The following CPSF1 variants were observed in gnomAD, a reference collection of about 807,000 sequenced individuals.
CPSF1 encodes cleavage and polyadenylation specificity factor subunit 1.
A neutral mutation model predicts 175.8 loss-of-function variants in CPSF1; 106 were observed. The ratio of observed to expected loss-of-function variants is 0.60; its 90% CI spans 0.52 to 0.71. CPSF1 has a LOEUF of 0.71. CPSF1 is among the 30% of genes least tolerant of loss of function. The pLI is 0.00. For synonymous variants in CPSF1, 1,024 were observed against 858.3 expected (o/e 1.19, Z -3.37); for missense variants, 1,734 against 2,022.9 (o/e 0.86, Z 2.74).
chr8:144,402,171 C>T (rs1821247392), intron 2 of CPSF1, among the ~76,000 whole-genome samples: 1 of 152,218 alleles, frequency 6.6e-6, no homozygotes, highest in Non-Finnish European at 1.5e-5. Context: ...TCTATCTCCT[C>T]CCTTTTCACT....
chr8:144,393,866 T>G lies in CPSF1; in HGVS notation c.4015+17A>C. ...CTAGGGCCCCCCACCCAGACACACC[T>G]GCTCCCCCACACTCACCAAACCACG... On this transcript the variant is annotated intron_variant, in intron 35 of 37. Transcript: ENST00000616140. The G allele has an allele frequency of 6.2e-7, 1 of 1,604,356 alleles. No homozygotes were observed. Among genetic ancestry groups the G allele is most frequent in the South Asian group, 1.1e-5 (1 of 90,198 alleles).
intron 2 of CPSF1, among the ~76,000 whole-genome samples, chr8:144,408,157 C>A (rs1821596683): frequency 1.3e-5 from 2 of 152,142 alleles, no homozygotes. Flanking sequence ...CTCCTCCCTG[C>A]TTTGTGGAGA....
chr8:144,409,220 A>T, intron 1 of CPSF1, 48 bp from the exon 2 acceptor site: 8 of 1,431,402 alleles, frequency 5.6e-6, no homozygotes, highest in Non-Finnish European at 7.4e-6. Context: ...CCCACGCAGG[A>T]GCCCGGCCCC....
chr8:144,401,715 G>A (rs2116886962), intron 2 of CPSF1, 42 bp from the exon 3 acceptor site: 1 of 1,578,000 alleles, frequency 6.3e-7, no homozygotes, highest in South Asian at 1.2e-5. Context: ...GGCCACATCT[G>A]GCAGCTCACC....
chr8:144,396,771 G>A (rs781834164), intron 24 of CPSF1, 30 bp from the exon 25 acceptor site: 3 of 1,613,130 alleles, frequency 1.9e-6, no homozygotes, highest in South Asian at 1.1e-5. Context: ...GTCCTCCAGG[G>A]GCTGCCGGTC....
chr8:144,402,850 C>T (rs1821294904), intron 2 of CPSF1, among the ~76,000 whole-genome samples: 1 of 152,126 alleles, frequency 6.6e-6, no homozygotes, highest in Non-Finnish European at 1.5e-5. Context: ...ACAGGTGGGA[C>T]AGGAAGTGAC....
chr8:144,408,562 C>T (rs1821622034), intron 2 of CPSF1, among the ~76,000 whole-genome samples: 1 of 152,234 alleles, frequency 6.6e-6, no homozygotes, highest in Non-Finnish European at 1.5e-5. Context: ...CTGCCTCAGA[C>T]AGGCTCTTCT....
Position 144,399,641 on chromosome 8 carries a change from T to C in CPSF1, c.1189A>G (p.Thr397Ala), listed in dbSNP as rs1338623009. The C allele has an allele frequency of 1.9e-6, 3 of 1,610,482 alleles. No individual in the cohort carries two copies. The African/African-American group carries it at 4.0e-5, about 22-fold the overall frequency. The change falls in exon 12 of 38, where the codon ACG becomes GCG. Residue 397 changes from threonine (T) to alanine (A), a missense_variant. Thr to Ala is a moderately conservative substitution (Grantham distance 58, BLOSUM62 0). Transcript: ENST00000616140. The surrounding 1 kb of genome is among the most constrained non-coding windows in gnomAD (Gnocchi z 6.4). ...RLGNSLLLKY[T>A]EKLQEPPASA... Reference sequence around the variant, plus strand: ...GCCGGGGGCTCCTGCAGCTTCTCCGTGTACTTGAGGAGGAGGGAATTGCCC... The same window carrying C: ...GCCGGGGGCTCCTGCAGCTTCTCCGCGTACTTGAGGAGGAGGGAATTGCCC...
Position 144,399,382 on chromosome 8 carries a change from A to G in CPSF1, c.1295-9T>C, listed in dbSNP as rs2116862065. The G allele has an allele frequency of 1.2e-6, 2 of 1,612,852 alleles. No individual in the cohort carries two copies. Among genetic ancestry groups the G allele is most frequent in the Non-Finnish European group, 1.7e-6 (2 of 1,179,950 alleles). ...CACCGACTTACCCGCAGCTGCACACAGAGAGCCCACTTGAGCGCAGCCCTG... is the reference window on the plus strand; with the variant it reads ...CACCGACTTACCCGCAGCTGCACACGGAGAGCCCACTTGAGCGCAGCCCTG... On this transcript the variant is annotated splice_polypyrimidine_tract_variant and intron_variant, in intron 13 of 37. Coordinates refer to ENST00000616140, the MANE Select transcript of CPSF1 (RefSeq NM_013291.3). This position sits in a 1 kb window ranked among gnomAD's most constrained non-coding sequence, Gnocchi z 6.4.
At position 144,401,121 on chromosome 8, in the gene CPSF1, G is replaced by A. The variant is rs2116881543; in HGVS notation, c.388-46C>T. 156 of 1,602,438 alleles carry A rather than the reference G, an allele frequency of 9.7e-5. 1 individual carries two copies. The highest frequency in any genetic ancestry group is 2.7e-4 in the South Asian group (24 of 89,454). The stretch of plus-strand genomic sequence containing the variant: ...AGCCAGGCCCAGCATAGGAGACCCC[G>A]AGGGAAACACTTGGGGCCACAGAAC... On this transcript the variant is annotated intron_variant, in intron 5 of 37. Coordinates refer to ENST00000616140, the MANE Select transcript of CPSF1 (RefSeq NM_013291.3).
At chr8:144,395,673 G>T in intron 26 of CPSF1, 122 bp from the exon 27 acceptor site, 1 of 785,586 alleles carries the variant, frequency 1.3e-6, no homozygotes, top group East Asian at 2.7e-5. Flanking sequence ...GGTGGGTGAG[G>T]GGCAGCTGTG....
intron 36 of CPSF1, 24 bp downstream of exon 36, chr8:144,393,643 C>T: frequency 6.3e-7 from 1 of 1,576,792 alleles, no homozygotes; most frequent in Non-Finnish European, 8.6e-7. Flanking sequence ...GGGGGTGCTG[C>T]ACGGGGGCGG....
intron 9 of CPSF1, 34 bp downstream of exon 9, chr8:144,400,132 C>CGGGGGGGGGGGG: frequency 9.4e-7 from 1 of 1,067,952 alleles, no homozygotes; most frequent in Non-Finnish European, 1.3e-6. Context: ...AAGCCGTCCC[C>CGGGGGGGGGGGG]GGGCCCCCCC....
chr8:144,404,650 G>A (rs2116899206), intron 2 of CPSF1, among the ~76,000 whole-genome samples: 13 of 151,566 alleles, frequency 8.6e-5, no homozygotes, highest in Admixed American at 2.0e-4. Context: ...GATTACAGGC[G>A]TGAGCCACTG....
Position 144,396,585 on chromosome 8 carries a change from G to A in CPSF1, c.2826+13C>T. The A allele has an allele frequency of 6.2e-7, 1 of 1,611,126 alleles. No individual in the cohort carries two copies. Among genetic ancestry groups the A allele is most frequent in the Non-Finnish European group, 8.5e-7 (1 of 1,178,322 alleles). On this transcript the variant is annotated intron_variant, in intron 25 of 37. Coordinates refer to ENST00000616140, the MANE Select transcript of CPSF1 (RefSeq NM_013291.3). ...CCCTTCTACCACAGACCCCTGCAAAGGCGCTGGCCTACCCCTGAGTAGCCA... is the reference window on the plus strand; with the variant it reads ...CCCTTCTACCACAGACCCCTGCAAAAGCGCTGGCCTACCCCTGAGTAGCCA...
At chr8:144,400,331 C>T (rs928482004) in intron 8 of CPSF1, 23 bp downstream of exon 8, 4 of 1,613,592 alleles carry the variant, frequency 2.5e-6, no homozygotes, top group Non-Finnish European at 3.4e-6. Flanking sequence ...ACACACTCCC[C>T]TATCCACTCC....
chr8:144,400,140 C>CCCCCCCCCCCCCCCCCCCCCCCCA, intron 9 of CPSF1, 26 bp downstream of exon 9: 1 of 1,242,182 alleles, frequency 8.1e-7, no homozygotes, highest in Non-Finnish European at 1.1e-6. Flanking sequence ...CCCGGGCCCC[C>CCCCCCCCCCCCCCCCCCCCCCCCA]CCCGCCCCAG....
chr8:144,396,487 C>A lies in CPSF1; in HGVS notation c.2840G>T (p.Gly947Val). The change falls in exon 26 of 38, where the codon GGC becomes GTC. Residue 947 changes from glycine to valine, a missense_variant. Gly to Val is a moderately radical substitution (Grantham distance 109). Coordinates refer to ENST00000616140, the MANE Select transcript of CPSF1 (RefSeq NM_013291.3). Reference sequence around the variant, plus strand: ...CACCAAGAGCCAGTGAGGGGAGGGGCCGCAGATGAAGACCTGGGGGCAGGC... The same window carrying A: ...CACCAAGAGCCAGTGAGGGGAGGGGACGCAGATGAAGACCTGGGGGCAGGC... ...IYGYSGVFICGPSPHWLLVTG... is the reference protein window; with the variant it reads ...IYGYSGVFICVPSPHWLLVTG... The A allele has an allele frequency of 1.2e-6, 2 of 1,609,722 alleles. No individual in the cohort carries two copies. Among genetic ancestry groups the A allele is most frequent in the Non-Finnish European group, 1.7e-6 (2 of 1,178,688 alleles).
chr8:144,404,891 C>T (rs1385718491), intron 2 of CPSF1, among the ~76,000 whole-genome samples: 2 of 151,590 alleles, frequency 1.3e-5, no homozygotes, highest in African/African-American at 4.8e-5. Context: ...CCCGTCTCTA[C>T]TAAAAATACA....
Sources: allele counts gnomAD v4.1 joint callset (sites outside exome capture counted in the v4.1 genomes callset), GRCh38; gene constraint gnomAD v4.1.1; non-coding constraint Gnocchi (gnomAD v3.1); transcripts MANE v1.5; gene names NCBI Gene and HGNC (gene_info 2026-07-23, HGNC 2026-07-21).